The following SLC9C2 variants were observed in gnomAD, a reference collection of about 807,000 sequenced individuals.
The protein encoded by SLC9C2 is solute carrier family 9 member C2 (putative).
A neutral mutation model predicts 140.2 loss-of-function variants in SLC9C2; 75 were observed. That is an observed-to-expected ratio of 0.53 (90% CI 0.44 to 0.65). The LOEUF (loss-of-function observed/expected upper bound fraction) is 0.65, where lower values mean the gene tolerates loss of function less well. SLC9C2 is among the 30% of genes least tolerant of loss of function. The pLI is 0.00. For missense variants in SLC9C2, 1,074 were observed against 1,331.8 expected, an observed-to-expected ratio of 0.81 and a Z score of 3.01; for synonymous variants, 375 against 420.9, an observed-to-expected ratio of 0.89 and a Z score of 1.34.
intron 15 of SLC9C2, among the ~76,000 whole-genome samples, chr1:173,535,425 T>C (rs1169438919): frequency 1.3e-5 from 2 of 152,232 alleles, no homozygotes; most frequent in Non-Finnish European, 2.9e-5. Context: ...TAAGGCCATG[T>C]TGTGTTTTTC....
At position 173,506,818 on chromosome 1, in the gene SLC9C2, T is replaced by C; in HGVS notation, c.3225+38A>G. ...TTTTAAAGTCACTTTTGGAGCACCG[T>C]GAAGAGCAAGAGACTCTTTAGAAAT... On this transcript the variant is annotated intron_variant, in intron 25 of 27. Transcript: ENST00000367714. 2 of 1,555,644 alleles carry C rather than the reference T, an allele frequency of 1.3e-6. 1 individual carries two copies. The highest frequency in any genetic ancestry group is 3.4e-4 in the Middle Eastern group (2 of 5,864).
intron 8 of SLC9C2, 54 bp downstream of exon 8, chr1:173,576,607 C>T (rs972294818): frequency 7.2e-6 from 8 of 1,108,332 alleles, no homozygotes; most frequent in Admixed American, 6.6e-5. Context: ...AGGCGAGACG[C>T]CTTATGCACT....
At chr1:173,573,030 G>T in intron 9 of SLC9C2, 152 bp downstream of exon 9, 1 of 513,514 alleles carries the variant, frequency 1.9e-6, no homozygotes, top group Non-Finnish European at 3.4e-6. Context: ...ACCCCAAGTT[G>T]CACAGCAAGC....
chr1:173,516,269 C>T (rs1420848118), intron 23 of SLC9C2, among the ~76,000 whole-genome samples: 2 of 152,208 alleles, frequency 1.3e-5, no homozygotes, highest in African/African-American at 4.8e-5. Flanking sequence ...TAACTTCTTA[C>T]TTAGCAAATG....
intron 6 of SLC9C2, among the ~76,000 whole-genome samples, chr1:173,582,460 T>G (rs959321025): frequency 6.6e-6 from 1 of 152,138 alleles, no homozygotes; most frequent in African/African-American, 2.4e-5. Context: ...TAAGAAATTT[T>G]CATTAGTCAC....
At chr1:173,506,599 C>T (rs1356596608) in intron 25 of SLC9C2, among the ~76,000 whole-genome samples, 1 of 152,236 alleles carries the variant, frequency 6.6e-6, no homozygotes, top group Non-Finnish European at 1.5e-5. Context: ...TGGCACAGCC[C>T]CACGCCAGGG....
chr1:173,583,736 G>A, intron 5 of SLC9C2, 114 bp from the exon 6 acceptor site: 1 of 604,770 alleles, frequency 1.7e-6, no homozygotes. Flanking sequence ...AAAGAACAAG[G>A]CAACTATGAC....
At chr1:173,519,724 T>G (rs1395024907) in intron 22 of SLC9C2, among the ~76,000 whole-genome samples, 2 of 152,206 alleles carry the variant, frequency 1.3e-5, no homozygotes, top group African/African-American at 4.8e-5. Flanking sequence ...AATGGGAGTA[T>G]AGTATAATGG....
At position 173,542,039 on chromosome 1, in the gene SLC9C2, A is replaced by G. The variant is rs182639085; in HGVS notation, c.1558-5000T>C. 1.2e-3 allele frequency among the ~76,000 whole-genome samples: 179 copies of G among 152,318 alleles called. 3 individuals carry two copies. The highest frequency in any genetic ancestry group is 0.01 in the Admixed American group (158 of 15,304). Reference sequence around the variant, plus strand: ...CAGAACTGAAGGAAATAGAGGCATAAAAAACCTTCAAAAAATCAATGAATC... The same window carrying G: ...CAGAACTGAAGGAAATAGAGGCATAGAAAACCTTCAAAAAATCAATGAATC... On this transcript the variant is annotated intron_variant, in intron 13 of 27. Transcript: ENST00000367714.
chr1:173,550,914 AG>A (rs1663251993), intron 11 of SLC9C2, among the ~76,000 whole-genome samples: 1 of 64,538 alleles, frequency 1.5e-5, no homozygotes. Flanking sequence ...GAGAGAAGGA[AG>A]GGAAGGGAAG....
In SLC9C2 at chr1:173,557,326, A is replaced by T. The variant is rs112196914; in HGVS notation, c.1215+14T>A. 1 of 1,605,312 alleles carries T rather than the reference A, an allele frequency of 6.2e-7. No homozygotes were observed. Among genetic ancestry groups the T allele is most frequent in the African/African-American group, 1.3e-5 (1 of 74,376 alleles). On this transcript the variant is annotated intron_variant, in intron 10 of 27. Coordinates refer to ENST00000367714, the MANE Select transcript of SLC9C2 (RefSeq NM_178527.4). ...TGATAAATATGAATAATCATGAGAC[A>T]TGATCTTTCCTACCATTTGTGGTAC...
At chr1:173,578,188 T>C (rs1484369923) in intron 7 of SLC9C2, among the ~76,000 whole-genome samples, 1 of 152,204 alleles carries the variant, frequency 6.6e-6, no homozygotes, top group Non-Finnish European at 1.5e-5. Context: ...GAGTCCCTCT[T>C]GGAATGCCTG....
intron 14 of SLC9C2, 41 bp from the exon 15 acceptor site, chr1:173,535,990 A>T (rs370496317): frequency 6.9e-7 from 1 of 1,458,332 alleles, no homozygotes. Flanking sequence ...AATAAAAAGC[A>T]AGTGCTATAC....
chr1:173,589,135 G>T (rs1312149864), intron 4 of SLC9C2, among the ~76,000 whole-genome samples: 1 of 152,202 alleles, frequency 6.6e-6, no homozygotes, highest in Non-Finnish European at 1.5e-5. Flanking sequence ...TAAGACATAA[G>T]ATTGGAGTTA....
intron 26 of SLC9C2, 92 bp from the exon 27 acceptor site, chr1:173,503,418 C>T: frequency 1.7e-6 from 2 of 1,187,448 alleles, no homozygotes; most frequent in South Asian, 2.7e-5. Context: ...TATTTGCTTT[C>T]TCCCTATAAG....
rs74129111 is a variant in SLC9C2, at chr1:173,521,526, A to G, written c.2641-127T>C. ...TTTTATTATATATGTGTGTGTGTGT[A>G]TATATATATATGATTTTAAAGCTAA... On this transcript the variant is annotated intron_variant, in intron 21 of 27. Transcript: ENST00000367714. 2.0e-3 allele frequency: 431 copies of G among 215,824 alleles called. 5 individuals are homozygous for G. The highest frequency in any genetic ancestry group is 0.012 in the African/African-American group (360 of 29,860). 13.4% of individuals were successfully genotyped at this position (215,824 alleles called of 1,614,324 possible).
intron 5 of SLC9C2, among the ~76,000 whole-genome samples, 161 bp downstream of exon 5, chr1:173,587,504 T>C (rs568267211): frequency 6.6e-6 from 1 of 152,302 alleles, no homozygotes; most frequent in African/African-American, 2.4e-5. Flanking sequence ...TTATTTGCAC[T>C]GTCTCCTTAA....
At chr1:173,512,459 T>C (rs913439879) in intron 23 of SLC9C2, among the ~76,000 whole-genome samples, 2 of 152,134 alleles carry the variant, frequency 1.3e-5, no homozygotes, top group South Asian at 2.1e-4. Flanking sequence ...TGCTTGTCTG[T>C]TGTTGGTGCA....
At chr1:173,550,440 A>ATTTTTTTTTTT (rs1304209360) in intron 11 of SLC9C2, among the ~76,000 whole-genome samples, 1 of 124,214 alleles carries the variant, frequency 8.1e-6, no homozygotes. Context: ...TTATTTATTT[A>ATTTTTTTTTTT]TTTATTTATT....
Sources: allele counts gnomAD v4.1 joint callset (sites outside exome capture counted in the v4.1 genomes callset), GRCh38; gene constraint gnomAD v4.1.1; transcripts MANE v1.5; gene names NCBI Gene and HGNC (gene_info 2026-07-23, HGNC 2026-07-21).